Variants in UBTD1 observed in about 807,000 individuals in gnomAD.
UBTD1 encodes ubiquitin domain-containing protein 1.
A neutral mutation model predicts 21.7 loss-of-function variants in UBTD1; 19 were observed. The observed-to-expected ratio is 0.87, with a 90% CI of 0.61 to 1.28. UBTD1 has a LOEUF of 1.28. UBTD1 is among the 50% of genes most tolerant of loss of function. The probability of loss-of-function intolerance (pLI) is 0.00; values close to 1 mark genes in which losing one functional copy is unlikely to be tolerated. For missense variants in UBTD1, 282 were observed against 315.1 expected (o/e 0.89, Z 0.80); for synonymous variants, 116 against 135.1 (o/e 0.86, Z 0.98).
intron 1 of UBTD1, among the ~76,000 whole-genome samples, chr10:97,555,548 C>T (rs989190057): frequency 3.1e-4 from 47 of 152,178 alleles, no homozygotes; most frequent in Admixed American, 9.8e-4. Context: ...CATCGGCAAG[C>T]TACTGCCTTA....
chr10:97,564,713 G>C (rs1304308116), intron 1 of UBTD1, among the ~76,000 whole-genome samples: 2 of 152,136 alleles, frequency 1.3e-5, no homozygotes, highest in Non-Finnish European at 1.5e-5. Flanking sequence ...ACAGGTGCCT[G>C]CTGCCACGCC....
At chr10:97,517,877 G>A (rs945374739) in intron 1 of UBTD1, among the ~76,000 whole-genome samples, 1 of 152,130 alleles carries the variant, frequency 6.6e-6, no homozygotes, top group African/African-American at 2.4e-5. Context: ...TGCTGTGTGT[G>A]TGTGGAGACC....
chr10:97,564,496 G>T (rs770151572), intron 1 of UBTD1, among the ~76,000 whole-genome samples: 1 of 152,126 alleles, frequency 6.6e-6, no homozygotes, highest in Non-Finnish European at 1.5e-5. Flanking sequence ...GCCATCTATT[G>T]CCTCTAAGGG....
At chr10:97,533,623 G>A (rs1233544967) in intron 1 of UBTD1, among the ~76,000 whole-genome samples, 1 of 152,056 alleles carries the variant, frequency 6.6e-6, no homozygotes, top group African/African-American at 2.4e-5. Flanking sequence ...GCCCTTGCTT[G>A]ACACAGATCT....
At chr10:97,528,296 A>G (rs1391456628) in intron 1 of UBTD1, among the ~76,000 whole-genome samples, 2,368 of 104,632 alleles carry the variant, frequency 0.023, 39 homozygotes, top group African/African-American at 0.039. Flanking sequence ...CTGGCCGGGC[A>G]GGGGGCTGAC....
intron 1 of UBTD1, among the ~76,000 whole-genome samples, chr10:97,551,031 C>G (rs549264383): frequency 5.9e-5 from 9 of 152,326 alleles, no homozygotes; most frequent in Admixed American, 2.0e-4. Context: ...CATTTCCACT[C>G]CTGTTTTGCT....
chr10:97,501,385 G>A (rs1294149400), intron 1 of UBTD1, among the ~76,000 whole-genome samples: 1 of 152,142 alleles, frequency 6.6e-6, no homozygotes. Flanking sequence ...TCAGGAGTTC[G>A]AGACCAGCCT....
At chr10:97,548,032 C>G (rs2040619376) in intron 1 of UBTD1, among the ~76,000 whole-genome samples, 1 of 152,190 alleles carries the variant, frequency 6.6e-6, no homozygotes. Flanking sequence ...TACAGCAGTC[C>G]CATGAGGTGG....
Position 97,499,059 on chromosome 10 carries a change from C to T in UBTD1, c.-145C>T. 2.2e-6 allele frequency: 2 copies of T among 910,786 alleles called. No individual in the cohort carries two copies. The highest frequency in any genetic ancestry group is 3.2e-6 in the Non-Finnish European group (2 of 630,046). 56.4% of individuals were successfully genotyped at this position (910,786 alleles called of 1,614,324 possible). ...GCCCGCAAAGTTTTGGCGGAGCCAT[C>T]GCTGGGGCTGAGCGCGCCCCCGGGG... On this transcript the variant is annotated 5_prime_UTR_variant, in exon 1 of 3. Coordinates refer to ENST00000370664, the MANE Select transcript of UBTD1 (RefSeq NM_024954.5).
intron 1 of UBTD1, among the ~76,000 whole-genome samples, chr10:97,521,845 G>A (rs2040468042): frequency 6.6e-6 from 1 of 152,242 alleles, no homozygotes. Flanking sequence ...GGGATAGCAT[G>A]CACCTGTTTT....
chr10:97,557,087 G>T (rs1268119519), intron 1 of UBTD1, among the ~76,000 whole-genome samples: 1 of 152,222 alleles, frequency 6.6e-6, no homozygotes, highest in Non-Finnish European at 1.5e-5. Flanking sequence ...GGAACTAAGT[G>T]TCGGACTTCC....
chr10:97,535,766 T>A (rs1387451554), intron 1 of UBTD1, among the ~76,000 whole-genome samples: 2 of 151,668 alleles, frequency 1.3e-5, no homozygotes, highest in East Asian at 3.9e-4. Flanking sequence ...TTTTTTTTTT[T>A]AATTAGCTAG....
intron 1 of UBTD1, among the ~76,000 whole-genome samples, chr10:97,546,643 T>C (rs1414809004): frequency 1.3e-5 from 2 of 149,612 alleles, no homozygotes; most frequent in Admixed American, 1.3e-4. Context: ...CAGGTGTGGA[T>C]AGCACTGGCC....
At chr10:97,528,424 C>T (rs1589873028) in intron 1 of UBTD1, among the ~76,000 whole-genome samples, 1 of 79,530 alleles carries the variant, frequency 1.3e-5, no homozygotes, top group Non-Finnish European at 2.6e-5. Context: ...CCCTCCCGGA[C>T]GGGGCGGCTG....
chr10:97,523,227 C>T (rs571843282), intron 1 of UBTD1, among the ~76,000 whole-genome samples: 7 of 152,280 alleles, frequency 4.6e-5, no homozygotes, highest in Non-Finnish European at 8.8e-5. Flanking sequence ...CTTACCCCAC[C>T]GGGACATTTT....
intron 1 of UBTD1, among the ~76,000 whole-genome samples, chr10:97,503,306 C>T (rs968696117): frequency 2.4e-4 from 36 of 152,188 alleles, no homozygotes; most frequent in Non-Finnish European, 5.3e-4. Flanking sequence ...TTGTATGCTT[C>T]GGAGAATACT....
intron 1 of UBTD1, among the ~76,000 whole-genome samples, chr10:97,556,199 A>G (rs1205110678): frequency 2.6e-5 from 4 of 152,070 alleles, no homozygotes; most frequent in Non-Finnish European, 5.9e-5. Flanking sequence ...ATTGCTGGGA[A>G]CCAATTTCCA....
chr10:97,549,713 C>T (rs941600091), intron 1 of UBTD1, among the ~76,000 whole-genome samples: 6 of 152,228 alleles, frequency 3.9e-5, no homozygotes, highest in Non-Finnish European at 8.8e-5. Context: ...CCCTTTCCCT[C>T]CCTGAGCTGG....
chr10:97,535,967 A>AAAT (rs2040558164), intron 1 of UBTD1, among the ~76,000 whole-genome samples: 1 of 41,846 alleles, frequency 2.4e-5, no homozygotes, highest in South Asian at 7.7e-4. Flanking sequence ...AGTTGGAGAG[A>AAAT]AATTATTATT....
Sources: gnomAD v4.1 joint callset for allele counts (sites outside exome capture counted in the v4.1 genomes callset) on GRCh38, gnomAD v4.1.1 for gene constraint, MANE v1.5 for transcripts, NCBI Gene and HGNC (gene_info 2026-07-23, HGNC 2026-07-21) for gene names.